Variants in CD44 observed in about 807,000 individuals in gnomAD.
CD44 encodes the protein CD44 antigen.
Under a neutral mutation model 88.8 loss-of-function variants are expected in CD44, and 49 were observed. That is an observed-to-expected ratio of 0.55 (90% CI 0.44 to 0.70). CD44 has a LOEUF of 0.70. Among genes scored for constraint, CD44 ranks in the 30% least tolerant of loss-of-function variants. CD44 has a pLI of 0.00. For missense variants in CD44, 883 were observed against 913.8 expected (o/e 0.97, Z 0.43); for synonymous variants, 325 against 312.3 (o/e 1.04, Z -0.43).
chr11:35,173,771 T>C (rs1333289372), intron 1 of CD44, among the ~76,000 whole-genome samples: 1 of 152,228 alleles, frequency 6.6e-6, no homozygotes, highest in Admixed American at 6.5e-5. Context: ...AAAGCAGTGG[T>C]TGCCCATACA....
chr11:35,149,003 T>G (rs1265426979), intron 1 of CD44, among the ~76,000 whole-genome samples: 1 of 152,232 alleles, frequency 6.6e-6, no homozygotes, highest in South Asian at 2.1e-4. Flanking sequence ...GAGATCTTTC[T>G]TGAGGTTTGA....
rs997056326 is a variant in CD44 at position 35,147,864 on chromosome 11, G to A, written c.67+8494G>A. Among the ~76,000 whole-genome samples, 7 of 152,040 alleles carry A rather than the reference G, an allele frequency of 4.6e-5. No homozygotes were observed. In the South Asian group the frequency reaches 6.2e-4, roughly 14 times the overall value. On this transcript the variant is annotated intron_variant, in intron 1 of 17. Transcript: ENST00000428726. ...AGCACTTTGGGAGGCCGAGGCAGGC[G>A]GATGACCTGAGGTCGGGAGTTCGAG...
chr11:35,203,716 A>T (rs541041675), intron 9 of CD44, among the ~76,000 whole-genome samples: 70 of 152,274 alleles, frequency 4.6e-4, no homozygotes, highest in African/African-American at 1.7e-3. Context: ...ACTAAAAAAA[A>T]AAAAGAAATT....
At chr11:35,162,319 G>A (rs908866184) in intron 1 of CD44, among the ~76,000 whole-genome samples, 8 of 152,196 alleles carry the variant, frequency 5.3e-5, no homozygotes, top group Non-Finnish European at 1.2e-4. Context: ...GGGCTTTTGC[G>A]AGGTATGGTC....
At chr11:35,166,960 G>C (rs353628) in intron 1 of CD44, among the ~76,000 whole-genome samples, 45,467 of 152,060 alleles carry the variant, frequency 0.3, 7,468 homozygotes, top group African/African-American at 0.44. Context: ...CTTTCACCAG[G>C]AGCCCATCAC....
At chr11:35,215,250 A>C (rs1488901122) in intron 15 of CD44, among the ~76,000 whole-genome samples, 4 of 152,176 alleles carry the variant, frequency 2.6e-5, no homozygotes, top group Non-Finnish European at 5.9e-5. Flanking sequence ...CAGTGTCCCA[A>C]TTTAACCTTG....
At chr11:35,209,192 T>C (rs1948170424) in intron 12 of CD44, among the ~76,000 whole-genome samples, 1 of 149,736 alleles carries the variant, frequency 6.7e-6, no homozygotes, top group Admixed American at 6.6e-5. Context: ...CACCTGCAAC[T>C]CAGGTCAGTA....
chr11:35,215,047 A>T (rs867886910), intron 15 of CD44, 133 bp downstream of exon 15: 11 of 473,140 alleles, frequency 2.3e-5, no homozygotes, highest in Middle Eastern at 3.1e-4. Flanking sequence ...AATTGCAGGG[A>T]GGGCTTATTA....
At chr11:35,228,626 A>T (rs1222401258) in intron 17 of CD44, among the ~76,000 whole-genome samples, 1 of 152,210 alleles carries the variant, frequency 6.6e-6, no homozygotes, top group Admixed American at 6.5e-5. Flanking sequence ...CCTCTTTCTT[A>T]CTTGCTGAGT....
At chr11:35,156,419 T>C (rs1284895766) in intron 1 of CD44, among the ~76,000 whole-genome samples, 3 of 152,232 alleles carry the variant, frequency 2.0e-5, no homozygotes, top group Non-Finnish European at 2.9e-5. Context: ...GATTGTGTCT[T>C]AGGCAGGAAG....
intron 14 of CD44, among the ~76,000 whole-genome samples, chr11:35,211,704 GTT>G (rs1554973964): frequency 1.4e-5 from 2 of 143,980 alleles, no homozygotes; most frequent in Non-Finnish European, 3.1e-5. Context: ...GTGTGTGTGT[GTT>G]GTGTGTACAA....
rs374527448 is a variant in CD44 at position 35,189,859 on chromosome 11, G to T, written c.461G>T (p.Arg154Leu). 3.7e-6 allele frequency: 6 copies of T among 1,613,636 alleles called. No individual in the cohort carries two copies. Among genetic ancestry groups the T allele is most frequent in the Non-Finnish European group, 3.4e-6 (4 of 1,179,688 alleles). Reference protein sequence around the residue: ...TITIVNRDGTRYVQKGEYRTN... With the variant: ...TITIVNRDGTLYVQKGEYRTN... ...GCTATTGTTAACCGTGATGGCACCC[G>T]CTATGTCCAGAAAGGAGAATACAGA... is the stretch of plus-strand genomic sequence containing the variant. The change falls in exon 5 of 18, where the codon CGC (arginine) becomes CTC (leucine). Residue 154 changes from arginine (R) to leucine (L), a missense_variant. Coordinates refer to ENST00000428726, the MANE Select transcript of CD44 (RefSeq NM_000610.4).
intron 9 of CD44, among the ~76,000 whole-genome samples, chr11:35,202,850 A>T (rs1056741993): frequency 3.9e-5 from 6 of 152,238 alleles, no homozygotes; most frequent in African/African-American, 1.4e-4. Flanking sequence ...AAGGAAATAC[A>T]GAGGAAGCAT....
intron 5 of CD44, 101 bp from the exon 6 acceptor site, chr11:35,196,645 T>C: frequency 1.6e-6 from 2 of 1,257,088 alleles, no homozygotes; most frequent in Non-Finnish European, 2.2e-6. Flanking sequence ...CAAATATAGA[T>C]GATTCTCTTG....
In CD44 at chr11:35,189,919, C is replaced by A; in HGVS notation, c.521C>A (p.Thr174Asn). Reference protein sequence around the residue: ...NPEDIYPSNPTDDDVSSGSSS... With the variant: ...NPEDIYPSNPNDDDVSSGSSS... Reference sequence around the variant, plus strand: ...GAAGACATCTACCCCAGCAACCCTACTGATGATGACGTGAGCAGCGGCTCC... The same window carrying A: ...GAAGACATCTACCCCAGCAACCCTAATGATGATGACGTGAGCAGCGGCTCC... The change falls in exon 5 of 18, where the codon ACT (threonine) becomes AAT (asparagine). Residue 174 changes from threonine (T) to asparagine (N), a missense_variant. By Grantham distance (65) the Thr-to-Asn change is moderately conservative. This residue lies in a region of CD44 where 252 missense variants were observed against 322.9 expected (regional missense o/e 0.78). Transcript: ENST00000428726. 2 of 1,614,184 alleles carry A rather than the reference C, an allele frequency of 1.2e-6. No homozygotes were observed. The highest frequency in any genetic ancestry group is 1.7e-6 in the Non-Finnish European group (2 of 1,180,012).
chr11:35,168,776 T>C (rs11820975), intron 1 of CD44, among the ~76,000 whole-genome samples: 180 of 152,346 alleles, frequency 1.2e-3, no homozygotes, highest in African/African-American at 4.1e-3. Flanking sequence ...TTGGGCATAG[T>C]ATGACTGTAG....
At chr11:35,184,206 C>G (rs1389286066) in intron 3 of CD44, among the ~76,000 whole-genome samples, 2 of 152,212 alleles carry the variant, frequency 1.3e-5, no homozygotes, top group Non-Finnish European at 2.9e-5. Flanking sequence ...GGTCAATCCA[C>G]TAAGCATATT....
chr11:35,217,975 A>G (rs1948975090), intron 15 of CD44, among the ~76,000 whole-genome samples: 1 of 152,130 alleles, frequency 6.6e-6, no homozygotes, highest in Non-Finnish European at 1.5e-5. Context: ...TTTAACAGGG[A>G]CAGGATCTCC....
intron 1 of CD44, among the ~76,000 whole-genome samples, chr11:35,160,446 G>A (rs16926997): frequency 0.019 from 2,819 of 152,206 alleles, 99 homozygotes; most frequent in African/African-American, 0.065. Flanking sequence ...CCTGTCTGAC[G>A]CATTCATTAT....
Sources: gnomAD v4.1 joint callset for allele counts (sites outside exome capture counted in the v4.1 genomes callset) on GRCh38, gnomAD v4.1.1 for gene constraint, gnomAD v4.1.1 regional missense constraint, MANE v1.5 for transcripts, NCBI Gene and HGNC (gene_info 2026-07-23, HGNC 2026-07-21) for gene names.